Variants in RGS3 observed in about 807,000 individuals in gnomAD.
RGS3 encodes the protein regulator of G protein signaling 3.
In RGS3, 80 loss-of-function variants were observed where a neutral mutation model predicts 132.6. The observed-to-expected ratio is 0.60, with a 90% CI of 0.50 to 0.73. The LOEUF (loss-of-function observed/expected upper bound fraction) is 0.73, where lower values mean the gene tolerates loss of function less well. RGS3 is among the 30% of genes least tolerant of loss of function. The pLI is 0.00. For synonymous variants in RGS3, 598 were observed against 620.6 expected (o/e 0.96, Z 0.54); for missense variants, 1,382 against 1,530.8 (o/e 0.90, Z 1.62).
intron 18 of RGS3, chr9:113,536,595 G>T: frequency 7.1e-7 from 1 of 1,409,814 alleles, no homozygotes; most frequent in South Asian, 1.4e-5. Context: ...CAGCTCGCCA[G>T]CTGGCCCTTG....
At chr9:113,458,471 A>G (rs1829407499), upstream of RGS3, among the ~76,000 whole-genome samples, 1 of 152,096 alleles carries the variant, frequency 6.6e-6, no homozygotes, top group Non-Finnish European at 1.5e-5. Flanking sequence ...ATACTGTTGG[A>G]TTTGATTTGC....
At chr9:113,527,013 G>A (rs780979959) in intron 17 of RGS3, among the ~76,000 whole-genome samples, 1 of 152,156 alleles carries the variant, frequency 6.6e-6, no homozygotes, top group Non-Finnish European at 1.5e-5. Flanking sequence ...CTTTTATGAG[G>A]CTCTGAACCA....
At chr9:113,562,124 A>G (rs369321809) in intron 19 of RGS3, among the ~76,000 whole-genome samples, 5 of 152,330 alleles carry the variant, frequency 3.3e-5, no homozygotes, top group Admixed American at 1.3e-4. Context: ...AACTTACTAG[A>G]GTGTGACCTT....
intron 3 of RGS3, among the ~76,000 whole-genome samples, chr9:113,464,629 G>C (rs901514117): frequency 6.6e-6 from 1 of 152,178 alleles, no homozygotes; most frequent in African/African-American, 2.4e-5. Flanking sequence ...GTGGAGAGGG[G>C]TTATTTTTCC....
chr9:113,520,454 G>T (rs1481728488), intron 16 of RGS3, among the ~76,000 whole-genome samples: 1 of 152,156 alleles, frequency 6.6e-6, no homozygotes, highest in East Asian at 1.9e-4. Context: ...GGTGGCCTGG[G>T]CCTTTTCTCA....
rs1048523304 is a variant in RGS3, at chr9:113,594,545, G to A, written c.3182+14G>A. ...GAAGTCATTCAAGTAGGTCCTCCCT[G>A]GCACCCTGGGACCCTTTGGGGAACT... On this transcript the variant is annotated intron_variant, in intron 22 of 24. Coordinates refer to ENST00000350696, the Ensembl canonical transcript of RGS3. 8 of 1,607,520 alleles carry A rather than the reference G, an allele frequency of 5.0e-6. No homozygotes were observed. In the African/African-American group the frequency reaches 1.1e-4, roughly 21 times the overall value.
chr9:113,524,023 C>T (rs761726637), intron 17 of RGS3, among the ~76,000 whole-genome samples: 1 of 152,238 alleles, frequency 6.6e-6, no homozygotes, highest in Non-Finnish European at 1.5e-5. Context: ...AAAAGCAAGT[C>T]ACCTCACTGG....
Position 113,595,759 on chromosome 9 carries a change from C to A in RGS3, c.3405C>A (p.Cys1135Ter). The A allele has an allele frequency of 4.3e-6, 7 of 1,613,796 alleles. No individual in the cohort carries two copies. Among genetic ancestry groups the A allele is most frequent in the Non-Finnish European group, 5.9e-6 (7 of 1,179,830 alleles). ...CTGAATACATCGCGATCCAGGCATG[C>A]AAGGAGGTAGGACCTCAGGGCAGAC... is the stretch of plus-strand genomic sequence containing the variant. The change falls in exon 24 of 25, where the codon TGC becomes TGA. Residue 1135 changes from cysteine to a stop codon, truncating the protein, a stop_gained. Transcript: ENST00000350696. LOFTEE classifies it high-confidence loss of function.
At chr9:113,485,311 G>A (rs1461878459) in intron 6 of RGS3, among the ~76,000 whole-genome samples, 3 of 152,038 alleles carry the variant, frequency 2.0e-5, no homozygotes, top group Admixed American at 6.6e-5. Context: ...GGATGGTCTC[G>A]ATCTCCTGAC....
intron 22 of RGS3, 57 bp from the exon 21 acceptor site, chr9:113,594,862 C>T: frequency 6.4e-7 from 1 of 1,550,864 alleles, no homozygotes; most frequent in Non-Finnish European, 8.9e-7. Context: ...GCCCAGCTTC[C>T]CCCAAGGTTC....
intron 19 of RGS3, among the ~76,000 whole-genome samples, chr9:113,554,243 A>G (rs1005476727): frequency 3.9e-5 from 6 of 152,266 alleles, no homozygotes; most frequent in Non-Finnish European, 1.5e-5. Flanking sequence ...TTGTTGGTAC[A>G]AGAAGTGAAA....
At chr9:113,583,207 C>T in intron 19 of RGS3, 1 of 658,716 alleles carries the variant, frequency 1.5e-6, no homozygotes, top group South Asian at 2.0e-5. Context: ...TTATCTCTCC[C>T]TCTTCTCCTA....
chr9:113,489,508 C>G (rs181981635), intron 7 of RGS3, among the ~76,000 whole-genome samples: 5 of 152,086 alleles, frequency 3.3e-5, no homozygotes, highest in Non-Finnish European at 7.4e-5. Context: ...GGGTGCTTCT[C>G]TTTGCATTTA....
chr9:113,492,824 A>G (rs1830562229), intron 7 of RGS3, among the ~76,000 whole-genome samples: 1 of 152,224 alleles, frequency 6.6e-6, no homozygotes, highest in Non-Finnish European at 1.5e-5. Context: ...GCTTATGGAC[A>G]TTAATTGTGG....
chr9:113,500,575 G>C (rs1010160253), intron 10 of RGS3, among the ~76,000 whole-genome samples: 3 of 152,098 alleles, frequency 2.0e-5, no homozygotes, highest in African/African-American at 7.2e-5. Flanking sequence ...AGATGAGGAC[G>C]CTGGGTTGTC....
intron 23 of RGS3, chr9:113,595,228 G>C (rs1835702039): frequency 1.7e-6 from 1 of 585,786 alleles, no homozygotes; most frequent in African/African-American, 1.9e-5. Context: ...GGACCTGTGT[G>C]CTCAGATCCA....
At chr9:113,575,545 C>T (rs936350177) in intron 19 of RGS3, among the ~76,000 whole-genome samples, 1 of 152,210 alleles carries the variant, frequency 6.6e-6, no homozygotes, top group African/African-American at 2.4e-5. Context: ...CATGCCTCTT[C>T]TGCACAGGCT....
chr9:113,501,557 C>G, intron 10 of RGS3: 1 of 1,542,920 alleles, frequency 6.5e-7, no homozygotes, highest in Non-Finnish European at 8.7e-7. Flanking sequence ...GGGGCGGCAG[C>G]CGAGGCAGGA....
rs1381801583 is a variant in RGS3 at position 113,506,396 on chromosome 9, G to A, written c.988G>A (p.Ala330Thr). 1 of 1,586,462 alleles carries A rather than the reference G, an allele frequency of 6.3e-7. No homozygotes were observed. The highest frequency in any genetic ancestry group is 8.6e-7 in the Non-Finnish European group (1 of 1,167,374). Residue 330 changes from alanine to threonine, a missense_variant, in exon 12 of 25, where the codon GCG becomes ACG. Physicochemically the swap from Ala to Thr is moderately conservative, Grantham distance 58. Coordinates refer to ENST00000350696, the Ensembl canonical transcript of RGS3. This position sits in a 1 kb window ranked among gnomAD's most constrained non-coding sequence, Gnocchi z 4.7. The stretch of plus-strand genomic sequence containing the variant: ...TTTCTTTGTCCCTGCAGGGGGTCCG[G>A]CGGAACGGGCAGGGCTGCAGCAGCT...
Sources: gnomAD v4.1 joint callset for allele counts (sites outside exome capture counted in the v4.1 genomes callset) on GRCh38, gnomAD v4.1.1 for gene constraint, Gnocchi (gnomAD v3.1) non-coding constraint, MANE v1.5 for transcripts, NCBI Gene and HGNC (gene_info 2026-07-23, HGNC 2026-07-21) for gene names.